Variants in DSTN observed in about 807,000 individuals in gnomAD.
DSTN encodes destrin, actin depolymerizing factor, also known as destrin.
Under a neutral mutation model 16.8 loss-of-function variants are expected in DSTN, and 10 were observed. The observed-to-expected ratio is 0.60, with a 90% CI of 0.37 to 1.01. The LOEUF is 1.01. Ranked by LOEUF, DSTN falls within the 50% of genes least tolerant of loss-of-function variation. The pLI is 0.01. For synonymous variants in DSTN, 57 were observed against 58.9 expected, an observed-to-expected ratio of 0.97 and a Z score of 0.14; for missense variants, 141 against 196.7, an observed-to-expected ratio of 0.72 and a Z score of 1.69.
intron 1 of DSTN, among the ~76,000 whole-genome samples, chr20:17,587,085 T>A (rs1427960443): frequency 6.6e-6 from 1 of 152,166 alleles, no homozygotes; most frequent in East Asian, 1.9e-4. Flanking sequence ...GAAATAGCCC[T>A]GTGTGTAGTA....
At position 17,600,873 on chromosome 20, in the gene DSTN, A is replaced by G; in HGVS notation, c.139A>G (p.Ile47Val). The G allele has an allele frequency of 6.2e-7, 1 of 1,613,926 alleles. No homozygotes were observed. Among genetic ancestry groups the G allele is most frequent in the Non-Finnish European group, 8.5e-7 (1 of 1,179,842 alleles). The change falls in exon 2 of 4, where the codon ATC (isoleucine) becomes GTC (valine). Residue 47 changes from isoleucine (I) to valine (V), a missense_variant. Ile to Val is a conservative substitution (Grantham distance 29, BLOSUM62 3). Coordinates refer to ENST00000246069, the MANE Select transcript of DSTN (RefSeq NM_006870.4). ...TTGTCTCAGTGCAGACAAAAAGTGC[A>G]TCATTGTAGAAGAAGGCAAAGAGAT... is the stretch of plus-strand genomic sequence containing the variant. Reference protein sequence around the residue: ...IFCLSADKKCIIVEEGKEILV... With the variant: ...IFCLSADKKCVIVEEGKEILV...
In DSTN at chr20:17,600,771, C is replaced by T. The variant is rs1480567584; in HGVS notation, c.37C>T (p.Arg13Cys). ...AGTGCAAGTAGCTGATGAAGTATGT[C>T]GCATTTTTTATGACATGAAAGTTCG... is the stretch of plus-strand genomic sequence containing the variant. ...SGVQVADEVCRIFYDMKVRKC... is the reference protein window; with the variant it reads ...SGVQVADEVCCIFYDMKVRKC... Residue 13 changes from arginine to cysteine, a missense_variant, in exon 2 of 4, where the codon CGC (arginine) becomes TGC (cysteine). By Grantham distance (180) the Arg-to-Cys change is radical. Transcript: ENST00000246069. 2.5e-6 allele frequency: 4 copies of T among 1,612,536 alleles called. No homozygotes were observed. Among genetic ancestry groups the T allele is most frequent in the East Asian group, 2.2e-5 (1 of 44,842 alleles).
In DSTN at chr20:17,583,946, C is replaced by T. The variant is rs142202131; in HGVS notation, c.3+13735C>T. Among the ~76,000 whole-genome samples the T allele has an allele frequency of 5.4e-3, 818 of 151,858 alleles. 5 individuals are homozygous for T. Among genetic ancestry groups the T allele is most frequent in the African/African-American group, 0.019 (769 of 41,392 alleles). On this transcript the variant is annotated intron_variant, in intron 1 of 3. Coordinates refer to ENST00000246069, the MANE Select transcript of DSTN (RefSeq NM_006870.4). Reference sequence around the variant, plus strand: ...TCAAGATGAGGTCTCACTATTTTGCCGAGGTTGGTCTTGAACTCCTGGACT... The same window carrying T: ...TCAAGATGAGGTCTCACTATTTTGCTGAGGTTGGTCTTGAACTCCTGGACT...
intron 2 of DSTN, among the ~76,000 whole-genome samples, chr20:17,603,963 C>G (rs1179481514): frequency 6.6e-6 from 1 of 152,072 alleles, no homozygotes; most frequent in Non-Finnish European, 1.5e-5. Context: ...CTGGGGAAGT[C>G]TAAGAAAAGG....
At position 17,570,124 on chromosome 20, in the gene DSTN, G is replaced by C. The variant is rs969678667; in HGVS notation, c.-85G>C. ...GCGTCAGCTCAGCGCTGGGTCTCTCGGTCCCGCAGCCGTGAGGAGGACGGT... is the reference window on the plus strand; with the variant it reads ...GCGTCAGCTCAGCGCTGGGTCTCTCCGTCCCGCAGCCGTGAGGAGGACGGT... On this transcript the variant is annotated 5_prime_UTR_variant, in exon 1 of 4. Transcript: ENST00000246069. The C allele has an allele frequency of 1.3e-6, 2 of 1,506,110 alleles. No homozygotes were observed. The highest frequency in any genetic ancestry group is 2.3e-4 in the Middle Eastern group (1 of 4,390). The allele number at this position is 1,506,110 out of a possible 1,614,324, so 93.3% of individuals were successfully genotyped here.
intron 2 of DSTN, among the ~76,000 whole-genome samples, chr20:17,602,893 G>A (rs1368987344): frequency 2.6e-5 from 4 of 152,136 alleles, no homozygotes; most frequent in African/African-American, 4.8e-5. Context: ...AGTGGCACAC[G>A]CCTGCAGTTC....
At chr20:17,588,878 C>A (rs1402451007) in intron 1 of DSTN, among the ~76,000 whole-genome samples, 1 of 152,158 alleles carries the variant, frequency 6.6e-6, no homozygotes, top group African/African-American at 2.4e-5. Flanking sequence ...GGCATGACTT[C>A]AAGATGGTGG....
At chr20:17,581,354 C>T (rs2876469) in intron 1 of DSTN, among the ~76,000 whole-genome samples, 14,092 of 152,086 alleles carry the variant, frequency 0.093, 1,215 homozygotes, top group African/African-American at 0.23. Context: ...CATGGTGGCA[C>T]GTACCTGTAG....
At chr20:17,578,718 C>T (rs2035308531) in intron 1 of DSTN, among the ~76,000 whole-genome samples, 5 of 151,968 alleles carry the variant, frequency 3.3e-5, no homozygotes, top group Admixed American at 6.6e-5. Context: ...CCCAGCACTT[C>T]GGGAGGCCAA....
At chr20:17,578,635 A>T (rs1043560705) in intron 1 of DSTN, among the ~76,000 whole-genome samples, 1 of 152,160 alleles carries the variant, frequency 6.6e-6, no homozygotes, top group Non-Finnish European at 1.5e-5. Flanking sequence ...ATCCTGAACC[A>T]TAGAAAAGCG....
At position 17,570,083 on chromosome 20, in the gene DSTN, G is replaced by A. The variant is rs1243080508; in HGVS notation, c.-126G>A. On this transcript the variant is annotated 5_prime_UTR_variant, in exon 1 of 4. Transcript: ENST00000246069. Reference sequence around the variant, plus strand: ...CGTCCTGAGGCGCGCCCGCCCCGGGGTAAGCTCGCGCCGCCGCGTCAGCTC... The same window carrying A: ...CGTCCTGAGGCGCGCCCGCCCCGGGATAAGCTCGCGCCGCCGCGTCAGCTC... 19 of 1,421,900 alleles carry A rather than the reference G, an allele frequency of 1.3e-5. No individual in the cohort carries two copies. Among genetic ancestry groups the A allele is most frequent in the Admixed American group, 2.4e-5 (1 of 41,812 alleles). The allele number at this position is 1,421,900 out of a possible 1,614,324, so 88.1% of individuals were successfully genotyped here.
At chr20:17,604,716 T>A (rs542724024) in intron 3 of DSTN, 85 bp downstream of exon 3, 1 of 1,318,118 alleles carries the variant, frequency 7.6e-7, no homozygotes, top group East Asian at 2.4e-5. Flanking sequence ...GCACCTTATT[T>A]TTTTGCAGAG....
intron 2 of DSTN, among the ~76,000 whole-genome samples, chr20:17,603,724 T>C (rs754065728): frequency 7.2e-5 from 11 of 152,244 alleles, no homozygotes; most frequent in Non-Finnish European, 1.0e-4. Flanking sequence ...TCCAATGTTA[T>C]AAATATAAAA....
At chr20:17,600,716 C>T (rs1418842441) in intron 1 of DSTN, 22 bp from the exon 2 acceptor site, 1 of 1,537,552 alleles carries the variant, frequency 6.5e-7, no homozygotes. Flanking sequence ...AAGTCTTTTT[C>T]TCATGTATTT....
In DSTN at chr20:17,607,099, A is replaced by C; in HGVS notation, c.451A>C (p.Lys151Gln). Residue 151 changes from lysine to glutamine, a missense_variant, in exon 4 of 4, where the codon AAG becomes CAG. By Grantham distance (53) the Lys-to-Gln change is moderately conservative. Transcript: ENST00000246069. ...TCTCAATCGGGCTTGTATTGCTGAA[A>C]AGTTAGGTGGATCCTTAATTGTAGC... is the stretch of plus-strand genomic sequence containing the variant. ...EDLNRACIAE[K>Q]LGGSLIVAFE... 1 of 1,613,148 alleles carries C rather than the reference A, an allele frequency of 6.2e-7. No homozygotes were observed. The highest frequency in any genetic ancestry group is 8.5e-7 in the Non-Finnish European group (1 of 1,179,978).
intron 1 of DSTN, among the ~76,000 whole-genome samples, chr20:17,588,091 C>T (rs902955902): frequency 3.9e-5 from 6 of 152,146 alleles, no homozygotes; most frequent in South Asian, 2.1e-4. Context: ...CCTCCAGGCA[C>T]GTTTCCCCTT....
At chr20:17,588,740 C>T (rs183431608) in intron 1 of DSTN, among the ~76,000 whole-genome samples, 6 of 152,234 alleles carry the variant, frequency 3.9e-5, no homozygotes, top group Admixed American at 6.5e-5. Flanking sequence ...GCTGAGATTG[C>T]GCCACTGCAC....
chr20:17,584,084 T>A (rs1043342172), intron 1 of DSTN, among the ~76,000 whole-genome samples: 5 of 152,120 alleles, frequency 3.3e-5, no homozygotes, highest in Admixed American at 6.6e-5. Context: ...GATTAGGAAG[T>A]GGTGGTGATG....
chr20:17,589,637 C>T (rs1323318756), intron 1 of DSTN, among the ~76,000 whole-genome samples: 1 of 152,186 alleles, frequency 6.6e-6, no homozygotes, highest in Non-Finnish European at 1.5e-5. Context: ...ATTATAGCAG[C>T]CAAAAGCCCA....
Sources: allele counts gnomAD v4.1 joint callset (sites outside exome capture counted in the v4.1 genomes callset), GRCh38; gene constraint gnomAD v4.1.1; transcripts MANE v1.5; gene names NCBI Gene and HGNC (gene_info 2026-07-23, HGNC 2026-07-21).